Variants in FAM13A observed in about 807,000 individuals in gnomAD.
FAM13A encodes the protein family with sequence similarity 13 member A.
FAM13A carries 76 observed loss-of-function variants against 129.6 expected under a neutral mutation model. That is an observed-to-expected ratio of 0.59 (90% CI 0.49 to 0.71). FAM13A has a LOEUF of 0.71. Among genes scored for constraint, FAM13A ranks in the 30% least tolerant of loss-of-function variants. The pLI is 0.00. For missense variants in FAM13A, 1,108 were observed against 1,249.3 expected, an observed-to-expected ratio of 0.89 and a Z score of 1.70; for synonymous variants, 443 against 449.9, an observed-to-expected ratio of 0.98 and a Z score of 0.20.
intron 14 of FAM13A, 89 bp from the exon 15 acceptor site, chr4:88,750,726 A>G (rs1248343883): frequency 3.1e-6 from 3 of 955,902 alleles, no homozygotes; most frequent in Middle Eastern, 6.4e-4. Flanking sequence ...GGCTTCCCAG[A>G]TGCTTTAGGA....
intron 4 of FAM13A, among the ~76,000 whole-genome samples, chr4:88,945,990 G>GTATGTATATATATA (rs1553901196): frequency 1.6e-4 from 10 of 61,954 alleles, no homozygotes; most frequent in Middle Eastern, 0.01. Context: ...GTGTGTGTGT[G>GTATGTATATATATA]TATATATATA....
chr4:88,785,233 A>G (rs1231615407), intron 10 of FAM13A, among the ~76,000 whole-genome samples: 1 of 152,198 alleles, frequency 6.6e-6, no homozygotes, highest in East Asian at 1.9e-4. Flanking sequence ...ATGTTTCTAA[A>G]CACTTTTTAA....
At chr4:88,983,295 A>C (rs1303217031) in intron 4 of FAM13A, among the ~76,000 whole-genome samples, 1 of 152,134 alleles carries the variant, frequency 6.6e-6, no homozygotes, top group Admixed American at 6.5e-5. Context: ...TTAGAGTTTT[A>C]AGTGTGATTA....
chr4:88,811,768 G>C (rs190711398), intron 7 of FAM13A, among the ~76,000 whole-genome samples: 1 of 152,296 alleles, frequency 6.6e-6, no homozygotes, highest in East Asian at 1.9e-4. Context: ...TCTTATTCTT[G>C]TTATAGTATT....
At chr4:88,988,130 A>C (rs1762500463) in intron 4 of FAM13A, among the ~76,000 whole-genome samples, 1 of 152,170 alleles carries the variant, frequency 6.6e-6, no homozygotes, top group South Asian at 2.1e-4. Flanking sequence ...TGTATCCAGG[A>C]ACTTAACATT....
chr4:88,728,291 A>G lies in FAM13A; in HGVS notation c.*242T>C. On this transcript the variant is annotated 3_prime_UTR_variant, in exon 24 of 24. Coordinates refer to ENST00000264344, the MANE Select transcript of FAM13A (RefSeq NM_014883.4). ...TGTGTGTGCGTGCATGCGCGTGCGCATGTGCACATACTGCAGTCTTGACTT... is the reference window on the plus strand; with the variant it reads ...TGTGTGTGCGTGCATGCGCGTGCGCGTGTGCACATACTGCAGTCTTGACTT... 2 of 559,804 alleles carry G rather than the reference A, an allele frequency of 3.6e-6. No homozygotes were observed. The highest frequency in any genetic ancestry group is 6.4e-6 in the Non-Finnish European group (2 of 311,480). 34.7% of individuals were successfully genotyped at this position (559,804 alleles called of 1,614,324 possible). A position where few individuals can be genotyped will look rare whatever the true frequency, so the allele number is the denominator to read the frequency against.
In FAM13A at chr4:88,763,765, C is replaced by T. The variant is rs544942916; in HGVS notation, c.1578+3788G>A. On this transcript the variant is annotated intron_variant, in intron 13 of 23. Coordinates refer to ENST00000264344, the MANE Select transcript of FAM13A (RefSeq NM_014883.4). ...AGTATGCTGTATAATGCAGTTTGCA[C>T]AGGAAGAAACTACAATATTAACCGA... Among the ~76,000 whole-genome samples the T allele has an allele frequency of 5.3e-5, 8 of 152,266 alleles. No homozygotes were observed. The East Asian group carries it at 1.2e-3, about 22-fold the overall frequency.
intron 14 of FAM13A, among the ~76,000 whole-genome samples, chr4:88,752,648 G>C (rs772370181): frequency 6.6e-6 from 1 of 152,038 alleles, no homozygotes; most frequent in Admixed American, 6.6e-5. Flanking sequence ...TAACACTATC[G>C]GTCTGCTCCT....
At chr4:88,889,868 T>G (rs962235663) in intron 6 of FAM13A, among the ~76,000 whole-genome samples, 1 of 152,250 alleles carries the variant, frequency 6.6e-6, no homozygotes, top group Non-Finnish European at 1.5e-5. Context: ...ACACTGATTT[T>G]GAACATAGCC....
chr4:88,812,771 G>A (rs917307852), intron 7 of FAM13A, among the ~76,000 whole-genome samples: 3 of 152,140 alleles, frequency 2.0e-5, no homozygotes, highest in African/African-American at 7.2e-5. Flanking sequence ...ACAGCACCTA[G>A]CTAGGTACCA....
intron 7 of FAM13A, among the ~76,000 whole-genome samples, chr4:88,813,054 T>C (rs1048298156): frequency 4.6e-5 from 7 of 152,168 alleles, no homozygotes; most frequent in African/African-American, 1.7e-4. Flanking sequence ...TTTTTCCAAC[T>C]GCACAATAAG....
chr4:89,024,878 A>C (rs1014654221), intron 2 of FAM13A, among the ~76,000 whole-genome samples: 1 of 93,564 alleles, frequency 1.1e-5, no homozygotes, highest in East Asian at 2.0e-4. Context: ...CTGATTCAGT[A>C]GTATGAGGTG....
chr4:88,739,561 G>C (rs1739744126), intron 19 of FAM13A, among the ~76,000 whole-genome samples: 1 of 151,336 alleles, frequency 6.6e-6, no homozygotes, highest in African/African-American at 2.4e-5. Context: ...GATCACCTGA[G>C]GTGAGGAGTT....
At chr4:88,873,286 A>G (rs1218937496) in intron 6 of FAM13A, among the ~76,000 whole-genome samples, 3 of 152,256 alleles carry the variant, frequency 2.0e-5, no homozygotes, top group Non-Finnish European at 1.5e-5. Context: ...AAATAACTAA[A>G]ATCAGAGCAG....
chr4:88,771,228 A>AT (rs1720618259), intron 11 of FAM13A, among the ~76,000 whole-genome samples: 1 of 149,844 alleles, frequency 6.7e-6, no homozygotes, highest in African/African-American at 2.5e-5. Flanking sequence ...ATGTATTTCC[A>AT]TGGGCACAAT....
chr4:88,964,967 A>T (rs888543846), intron 4 of FAM13A, among the ~76,000 whole-genome samples: 3 of 152,108 alleles, frequency 2.0e-5, no homozygotes, highest in Non-Finnish European at 4.4e-5. Context: ...TATAATAGAA[A>T]ATCTAAAAAG....
chr4:88,762,792 A>G (rs543982962), intron 13 of FAM13A, among the ~76,000 whole-genome samples: 86 of 152,166 alleles, frequency 5.7e-4, no homozygotes, highest in African/African-American at 1.8e-3. Flanking sequence ...CTAGATCATT[A>G]AGGTTAAAAT....
At chr4:88,876,148 G>T (rs1038223300) in intron 6 of FAM13A, among the ~76,000 whole-genome samples, 2 of 150,792 alleles carry the variant, frequency 1.3e-5, no homozygotes, top group African/African-American at 5.0e-5. Context: ...TCCTGGGATG[G>T]GGGGCTGGGG....
intron 3 of FAM13A, among the ~76,000 whole-genome samples, chr4:89,004,981 G>A (rs980291465): frequency 6.6e-6 from 1 of 150,472 alleles, no homozygotes; most frequent in East Asian, 2.0e-4. Flanking sequence ...TCATGTCATG[G>A]TTTTTTTTTT....
Sources: allele counts gnomAD v4.1 joint callset (sites outside exome capture counted in the v4.1 genomes callset), GRCh38; gene constraint gnomAD v4.1.1; transcripts MANE v1.5; gene names NCBI Gene and HGNC (gene_info 2026-07-23, HGNC 2026-07-21).